The following NAALADL2 variants were observed in gnomAD, a reference collection of about 807,000 sequenced individuals.
NAALADL2 encodes the protein N-acetylated alpha-linked acidic dipeptidase like 2, also known as inactive N-acetylated-alpha-linked acidic dipeptidase-like protein 2.
Under a neutral mutation model 87.2 loss-of-function variants are expected in NAALADL2, and 76 were observed. That is an observed-to-expected ratio of 0.87 (90% CI 0.72 to 1.05). NAALADL2 has a LOEUF of 1.05. NAALADL2 is among the 50% of genes least tolerant of loss of function. The pLI is 0.00. For synonymous variants in NAALADL2, 354 were observed against 331.0 expected (o/e 1.07, Z -0.75); for missense variants, 1,089 against 945.8 (o/e 1.15, Z -1.99).
In NAALADL2 at chr3:175,369,568, T is replaced by C. The variant is rs543881849; in HGVS notation, c.1090+45243T>C. On this transcript the variant is annotated intron_variant, in intron 5 of 13. Coordinates refer to ENST00000454872, the MANE Select transcript of NAALADL2 (RefSeq NM_207015.3). ...GCTACGTATGTATACACCTGATATG[T>C]GTATGTGTAAATACATATCCACACA... 4 of 152,548 alleles carry C rather than the reference T, an allele frequency of 2.6e-5. No individual in the cohort carries two copies. In the South Asian group the frequency reaches 8.3e-4, roughly 32 times the overall value. 9.4% of individuals were successfully genotyped at this position (152,548 alleles called of 1,614,324 possible). A position where few individuals can be genotyped will look rare whatever the true frequency, so the allele number is the denominator to read the frequency against.
intron 9 of NAALADL2, among the ~76,000 whole-genome samples, chr3:175,561,695 C>T (rs1448002042): frequency 1.3e-5 from 2 of 152,010 alleles, no homozygotes; most frequent in Admixed American, 6.5e-5. Flanking sequence ...CCAGCCCTAC[C>T]AGATTAAGGC....
intron 11 of NAALADL2, among the ~76,000 whole-genome samples, chr3:175,734,928 C>A (rs989476885): frequency 1.3e-4 from 20 of 152,198 alleles, no homozygotes; most frequent in African/African-American, 4.6e-4. Flanking sequence ...GCAAATTTCT[C>A]CAGCTGGCTT....
chr3:175,021,778 ATTGATAGATT>A (rs1751590533), intron 1 of NAALADL2, among the ~76,000 whole-genome samples: 1 of 152,084 alleles, frequency 6.6e-6, no homozygotes, highest in Admixed American at 6.6e-5. Context: ...TTGTTTTCTA[ATTGATAGATT>A]AAATGCAAAA....
chr3:175,524,338 A>G (rs758369890), intron 9 of NAALADL2, among the ~76,000 whole-genome samples: 1 of 152,224 alleles, frequency 6.6e-6, no homozygotes, highest in Non-Finnish European at 1.5e-5. Context: ...GACATTAGTA[A>G]TGACAGTATA....
intron 9 of NAALADL2, among the ~76,000 whole-genome samples, chr3:175,494,264 A>G (rs1240813299): frequency 2.0e-5 from 3 of 152,088 alleles, no homozygotes; most frequent in Non-Finnish European, 2.9e-5. Flanking sequence ...TGATGTCTAC[A>G]TATTTTGAAG....
intron 2 of NAALADL2, among the ~76,000 whole-genome samples, chr3:175,222,933 G>A: frequency 6.6e-6 from 1 of 151,952 alleles, no homozygotes; most frequent in Non-Finnish European, 1.5e-5. Context: ...ATGTGTTTCT[G>A]CATTCAACCT....
intron 1 of NAALADL2, among the ~76,000 whole-genome samples, chr3:174,866,546 C>CTA (rs1041024811): frequency 1.1e-4 from 16 of 151,594 alleles, no homozygotes; most frequent in East Asian, 3.8e-4. Flanking sequence ...ATTTAGGCTT[C>CTA]TATATATATA....
At chr3:175,133,425 G>T (rs568989686) in intron 2 of NAALADL2, among the ~76,000 whole-genome samples, 37 of 152,328 alleles carry the variant, frequency 2.4e-4, no homozygotes, top group African/African-American at 7.9e-4. Flanking sequence ...ACTCCAGCCT[G>T]GGCACCATTG....
At chr3:174,575,152 G>T (rs1715384185) in intron 2 of NAALADL2, among the ~76,000 whole-genome samples, 1 of 151,878 alleles carries the variant, frequency 6.6e-6, no homozygotes, top group African/African-American at 2.4e-5. Flanking sequence ...TAAATAATTT[G>T]GTATTAGAAG....
intron 1 of NAALADL2, among the ~76,000 whole-genome samples, chr3:175,054,250 G>A (rs1711620303): frequency 6.6e-6 from 1 of 152,150 alleles, no homozygotes; most frequent in Non-Finnish European, 1.5e-5. Context: ...AGACCCATCT[G>A]TAAAACAATG....
At chr3:175,021,142 AAG>A (rs1185865142) in intron 1 of NAALADL2, among the ~76,000 whole-genome samples, 1 of 152,014 alleles carries the variant, frequency 6.6e-6, no homozygotes, top group African/African-American at 2.4e-5. Flanking sequence ...TTACTATCAA[AAG>A]AGGAAAAAGT....
chr3:174,733,685 C>T (rs1444024970), intron 2 of NAALADL2, among the ~76,000 whole-genome samples: 1 of 152,208 alleles, frequency 6.6e-6, no homozygotes, highest in African/African-American at 2.4e-5. Context: ...CAATTACTAA[C>T]ACAAGTATTG....
At chr3:174,595,261 T>C (rs1316382847) in intron 2 of NAALADL2, among the ~76,000 whole-genome samples, 1 of 152,132 alleles carries the variant, frequency 6.6e-6, no homozygotes, top group Non-Finnish European at 1.5e-5. Context: ...GCTTCTTGTC[T>C]CTTTTTTCCT....
In NAALADL2 at chr3:175,330,727, T is replaced by A. The variant is rs1050640574; in HGVS notation, c.1090+6402T>A. ...ATACAAAGATTTCAAGTAAGAAATCTAATGATCCATCTCAATGAACTAGAA... is the reference window on the plus strand; with the variant it reads ...ATACAAAGATTTCAAGTAAGAAATCAAATGATCCATCTCAATGAACTAGAA... On this transcript the variant is annotated intron_variant, in intron 5 of 13. Transcript: ENST00000454872. 3.2e-4 allele frequency among the ~76,000 whole-genome samples: 49 copies of A among 152,114 alleles called. 1 individual carries two copies. The highest frequency in any genetic ancestry group is 7.2e-4 in the Admixed American group (11 of 15,266).
intron 6 of NAALADL2, among the ~76,000 whole-genome samples, chr3:175,450,261 T>C (rs1291293329): frequency 5.9e-5 from 9 of 152,162 alleles, no homozygotes; most frequent in Admixed American, 5.9e-4. Context: ...AAAAGGATAC[T>C]GAATGAGGTA....
At chr3:175,304,454 C>G (rs1159523433) in intron 4 of NAALADL2, among the ~76,000 whole-genome samples, 3 of 152,162 alleles carry the variant, frequency 2.0e-5, no homozygotes, top group African/African-American at 7.2e-5. Context: ...CTCTTCTTTG[C>G]AGATTTGGCT....
At chr3:175,554,852 T>C (rs1344155727) in intron 9 of NAALADL2, among the ~76,000 whole-genome samples, 1 of 152,186 alleles carries the variant, frequency 6.6e-6, no homozygotes, top group Admixed American at 6.5e-5. Flanking sequence ...TATATGTATA[T>C]ATTTTACCTG....
chr3:174,562,651 C>T (rs2108514800), intron 2 of NAALADL2, among the ~76,000 whole-genome samples: 1 of 152,052 alleles, frequency 6.6e-6, no homozygotes, highest in East Asian at 1.9e-4. Flanking sequence ...CGCTGGACCC[C>T]ATTTCTTATT....
intron 11 of NAALADL2, among the ~76,000 whole-genome samples, chr3:175,631,211 TA>T (rs1451640285): frequency 6.6e-6 from 1 of 151,764 alleles, no homozygotes; most frequent in Non-Finnish European, 1.5e-5. Context: ...TAATAATTTA[TA>T]AATAGGGTTT....
Sources: allele counts gnomAD v4.1 joint callset (sites outside exome capture counted in the v4.1 genomes callset), GRCh38; gene constraint gnomAD v4.1.1; transcripts MANE v1.5; gene names NCBI Gene and HGNC (gene_info 2026-07-23, HGNC 2026-07-21).